The following MRPS28 variants were observed in gnomAD, a reference collection of about 807,000 sequenced individuals.
MRPS28 encodes the protein mitochondrial ribosomal protein S28.
In MRPS28, 7 loss-of-function variants were observed where a neutral mutation model predicts 10.8. The ratio of observed to expected loss-of-function variants is 0.65; its 90% CI spans 0.37 to 1.22. The LOEUF is 1.22. Ranked by LOEUF, MRPS28 falls within the 50% of genes most tolerant of loss-of-function variation. MRPS28 has a pLI of 0.02. For missense variants in MRPS28, 265 were observed against 232.9 expected (o/e 1.14, Z -0.90); for synonymous variants, 121 against 93.3 (o/e 1.30, Z -1.71).
chr8:79,957,733 C>A (rs912472840), intron 2 of MRPS28: 1 of 151,860 alleles, frequency 6.6e-6, no homozygotes, highest in Non-Finnish European at 1.5e-5. Flanking sequence ...ACAATAGCAA[C>A]AACAAACAAA....
intron 2 of MRPS28, 86 bp from the exon 3 acceptor site, chr8:79,919,234 T>A: frequency 1.8e-6 from 2 of 1,082,014 alleles, no homozygotes; most frequent in East Asian, 2.8e-5. Flanking sequence ...AAATTCCAAT[T>A]TTAATTTGTG....
chr8:79,932,440 T>G (rs1160975543), intron 2 of MRPS28, among the ~76,000 whole-genome samples: 1 of 152,056 alleles, frequency 6.6e-6, no homozygotes, highest in African/African-American at 2.4e-5. Flanking sequence ...AGGCTCACGG[T>G]AGGGTAAAGT....
intron 2 of MRPS28, among the ~76,000 whole-genome samples, chr8:79,923,159 T>A (rs555247140): frequency 3.2e-4 from 48 of 152,320 alleles, no homozygotes; most frequent in Non-Finnish European, 5.1e-4. Flanking sequence ...TTTGACATCA[T>A]AGGTAATATT....
chr8:80,017,002 T>C (rs376519277), intron 1 of MRPS28, among the ~76,000 whole-genome samples: 4 of 152,210 alleles, frequency 2.6e-5, no homozygotes, highest in East Asian at 1.9e-4. Flanking sequence ...GAATATATAT[T>C]CTTCTCATGC....
At chr8:79,943,282 T>C (rs964658627) in intron 2 of MRPS28, among the ~76,000 whole-genome samples, 1 of 152,258 alleles carries the variant, frequency 6.6e-6, no homozygotes, top group Non-Finnish European at 1.5e-5. Flanking sequence ...CTTCAGAGTA[T>C]GCTATGTGAC....
At chr8:79,976,166 C>G (rs1212003133) in intron 2 of MRPS28, among the ~76,000 whole-genome samples, 3 of 151,958 alleles carry the variant, frequency 2.0e-5, no homozygotes, top group Non-Finnish European at 2.9e-5. Context: ...TCACTGCAAC[C>G]TCTGCCTCCC....
chr8:79,991,576 T>C (rs904338900), intron 2 of MRPS28, among the ~76,000 whole-genome samples: 1 of 152,244 alleles, frequency 6.6e-6, no homozygotes, highest in Non-Finnish European at 1.5e-5. Context: ...GTTTAAGTAG[T>C]GTCTAATAAT....
At chr8:79,963,457 T>C (rs73691120) in intron 2 of MRPS28, among the ~76,000 whole-genome samples, 1,635 of 152,242 alleles carry the variant, frequency 0.011, 36 homozygotes, top group African/African-American at 0.037. Flanking sequence ...TGCATTAACA[T>C]AGACCACAGT....
At chr8:79,994,601 C>G (rs1808453006) in intron 2 of MRPS28, among the ~76,000 whole-genome samples, 2 of 152,102 alleles carry the variant, frequency 1.3e-5, no homozygotes, top group South Asian at 4.1e-4. Flanking sequence ...AGATTTAATT[C>G]ATATTCTCAT....
chr8:79,978,630 T>C (rs1376891546), intron 2 of MRPS28, among the ~76,000 whole-genome samples: 1 of 152,262 alleles, frequency 6.6e-6, no homozygotes, highest in Admixed American at 6.5e-5. Flanking sequence ...GCTATGGTTA[T>C]ATTTTTGACA....
chr8:79,958,662 T>C (rs931576736), intron 2 of MRPS28, among the ~76,000 whole-genome samples: 5 of 152,164 alleles, frequency 3.3e-5, no homozygotes, highest in Non-Finnish European at 5.9e-5. Flanking sequence ...ATTTAGTGAA[T>C]GACCACTGCC....
intron 2 of MRPS28, among the ~76,000 whole-genome samples, chr8:79,981,580 T>C (rs1298852638): frequency 6.6e-6 from 1 of 152,162 alleles, no homozygotes; most frequent in Non-Finnish European, 1.5e-5. Flanking sequence ...TGAAACAGAA[T>C]GGTAAGTAAA....
intron 2 of MRPS28, among the ~76,000 whole-genome samples, chr8:79,951,925 T>C (rs1807089030): frequency 6.6e-6 from 1 of 152,218 alleles, no homozygotes; most frequent in Admixed American, 6.5e-5. Flanking sequence ...ACAACTGTCT[T>C]ACCTCTGGGT....
At chr8:80,027,246 T>C (rs1020936543) in intron 1 of MRPS28, among the ~76,000 whole-genome samples, 2 of 152,202 alleles carry the variant, frequency 1.3e-5, no homozygotes, top group African/African-American at 4.8e-5. Flanking sequence ...TCTGTACCAG[T>C]CAATGTACTG....
intron 2 of MRPS28, among the ~76,000 whole-genome samples, chr8:79,958,736 A>G (rs1807294041): frequency 6.6e-6 from 1 of 152,172 alleles, no homozygotes. Flanking sequence ...TCAACACAAC[A>G]AACACTGGAT....
At chr8:79,972,412 C>T (rs959286585) in intron 2 of MRPS28, among the ~76,000 whole-genome samples, 3 of 152,102 alleles carry the variant, frequency 2.0e-5, no homozygotes, top group Non-Finnish European at 2.9e-5. Context: ...TGTATTGTTT[C>T]CACATTTTGG....
At chr8:79,967,516 C>T (rs1807531858) in intron 2 of MRPS28, among the ~76,000 whole-genome samples, 1 of 152,176 alleles carries the variant, frequency 6.6e-6, no homozygotes, top group African/African-American at 2.4e-5. Context: ...CCACTGACCA[C>T]TGCTTGGGTA....
At chr8:79,944,634 A>G (rs1806854242) in intron 2 of MRPS28, among the ~76,000 whole-genome samples, 2 of 152,070 alleles carry the variant, frequency 1.3e-5, no homozygotes, top group South Asian at 4.2e-4. Context: ...ATGTGGTAGT[A>G]GTAAGATATG....
At chr8:80,012,543 T>C (rs1809080266) in intron 1 of MRPS28, among the ~76,000 whole-genome samples, 1 of 152,232 alleles carries the variant, frequency 6.6e-6, no homozygotes, top group Non-Finnish European at 1.5e-5. Context: ...CCGCTGGATA[T>C]GTATCATAGA....
Sources: gnomAD v4.1 joint callset for allele counts (sites outside exome capture counted in the v4.1 genomes callset) on GRCh38, gnomAD v4.1.1 for gene constraint, MANE v1.5 for transcripts, NCBI Gene and HGNC (gene_info 2026-07-23, HGNC 2026-07-21) for gene names.